PCDHA8: variants seen among roughly 807,000 people sequenced by gnomAD.
PCDHA8 encodes protocadherin alpha-8.
In PCDHA8, 53 loss-of-function variants were observed where a neutral mutation model predicts 61.8. That is an observed-to-expected ratio of 0.86 (90% CI 0.69 to 1.08). The LOEUF is 1.08. Ranked by LOEUF, PCDHA8 falls within the 50% of genes least tolerant of loss-of-function variation. The probability of loss-of-function intolerance (pLI) is 0.00; values close to 1 mark genes in which losing one functional copy is unlikely to be tolerated. For synonymous variants in PCDHA8, 618 were observed against 556.6 expected (o/e 1.11, Z -1.55); for missense variants, 1,293 against 1,245.0 (o/e 1.04, Z -0.58).
intron 1 of PCDHA8, chr5:140,857,757 G>C (rs782736508): frequency 6.3e-7 from 1 of 1,597,402 alleles, no homozygotes; most frequent in Non-Finnish European, 8.6e-7. Flanking sequence ...TCTCCCGCTG[G>C]CAGCGCGGGC....
chr5:140,972,766 T>G (rs2096555102), intron 1 of PCDHA8, among the ~76,000 whole-genome samples: 1 of 149,250 alleles, frequency 6.7e-6, no homozygotes, highest in African/African-American at 2.5e-5. Flanking sequence ...CAAGTTAAAG[T>G]GATTCTTCTG....
intron 1 of PCDHA8, among the ~76,000 whole-genome samples, chr5:140,917,740 C>T (rs1257665291): frequency 6.6e-6 from 1 of 152,090 alleles, no homozygotes; most frequent in Non-Finnish European, 1.5e-5. Context: ...TCTAACCTGT[C>T]CCATTGGTCT....
At chr5:140,872,425 G>A (rs1280008446) in intron 1 of PCDHA8, among the ~76,000 whole-genome samples, 3 of 151,980 alleles carry the variant, frequency 2.0e-5, no homozygotes, top group African/African-American at 7.3e-5. Flanking sequence ...CCAAGAGTTC[G>A]AGGCCTGCCT....
chr5:140,901,839 A>T (rs578262204), intron 1 of PCDHA8, among the ~76,000 whole-genome samples: 1 of 152,108 alleles, frequency 6.6e-6, no homozygotes, highest in Non-Finnish European at 1.5e-5. Flanking sequence ...TAAACATGCA[A>T]TATCTTTCCA....
intron 1 of PCDHA8, chr5:140,884,167 G>A: frequency 4.3e-6 from 7 of 1,613,412 alleles, no homozygotes; most frequent in Non-Finnish European, 5.1e-6. Context: ...AGATCAGCAC[G>A]ACGCGCCCTC....
In PCDHA8 at chr5:141,010,640, G is replaced by A. The variant is rs2098417874; in HGVS notation, c.*703G>A. The A allele has an allele frequency of 5.6e-6, 1 of 179,322 alleles. No homozygotes were observed. Among genetic ancestry groups the A allele is most frequent in the South Asian group, 1.4e-4 (1 of 7,048 alleles). 11.1% of individuals were successfully genotyped at this position (179,322 alleles called of 1,614,324 possible). A position where few individuals can be genotyped will look rare whatever the true frequency, so the allele number is the denominator to read the frequency against. On this transcript the variant is annotated 3_prime_UTR_variant, in exon 4 of 4. Transcript: ENST00000531613. ...TCTGCATCATACCTGCAAGCCAACA[G>A]TTCAGTGTTTTAACAGAGAACCACC...
intron 1 of PCDHA8, among the ~76,000 whole-genome samples, chr5:140,922,508 C>A (rs2080871857): frequency 6.6e-6 from 1 of 152,090 alleles, no homozygotes; most frequent in African/African-American, 2.4e-5. Flanking sequence ...GCAGATGCAC[C>A]ATTATTTCAA....
At position 140,841,450 on chromosome 5, in the gene PCDHA8, C is replaced by G; in HGVS notation, c.129C>G (p.Thr43=). The G allele has an allele frequency of 6.2e-7, 1 of 1,612,936 alleles. No homozygotes were observed. Among genetic ancestry groups the G allele is most frequent in the Non-Finnish European group, 8.5e-7 (1 of 1,179,876 alleles). ...TCCCCGAGGAGGCCAAACACGGCAC[C>G]TTCGTGGGCCGGATCGCGCAGGACC... The part of the protein sequence containing the change: ...YSVPEEAKHG[T]FVGRIAQDLG... Residue 43 remains threonine (T), a synonymous_variant, in exon 1 of 4, where the codon ACC becomes ACG. Coordinates refer to ENST00000531613, the MANE Select transcript of PCDHA8 (RefSeq NM_018911.3).
intron 1 of PCDHA8, among the ~76,000 whole-genome samples, chr5:140,909,670 G>C (rs940080549): frequency 6.6e-6 from 1 of 152,142 alleles, no homozygotes; most frequent in African/African-American, 2.4e-5. Flanking sequence ...CACTCTACCA[G>C]TCAGGGAGCC....
intron 3 of PCDHA8, among the ~76,000 whole-genome samples, chr5:141,001,813 G>A (rs782384459): frequency 2.6e-5 from 4 of 152,172 alleles, no homozygotes; most frequent in Non-Finnish European, 4.4e-5. Flanking sequence ...TCTACAATCG[G>A]CCAAATTCTG....
At chr5:140,869,718 T>A (rs1228223839) in intron 1 of PCDHA8, 19 of 1,613,290 alleles carry the variant, frequency 1.2e-5, no homozygotes, top group Non-Finnish European at 1.2e-5. Flanking sequence ...GAGAGAAAAC[T>A]CCGGAACTTA....
In PCDHA8 at chr5:140,843,348, C is replaced by T; in HGVS notation, c.2027C>T (p.Pro676Leu). The T allele has an allele frequency of 1.9e-6, 3 of 1,596,106 alleles. No homozygotes were observed. The South Asian group carries it at 3.3e-5, about 18-fold the overall frequency. Residue 676 changes from proline (P) to leucine (L), a missense_variant, in exon 1 of 4, where the codon CCA (proline) becomes CTA (leucine). Pro to Leu is a moderately conservative substitution (Grantham distance 98). Transcript: ENST00000531613. Reference protein sequence around the residue: ...LVSLVESGQAPKASSRQSAGV... With the variant: ...LVSLVESGQALKASSRQSAGV... ...TCGCTGGTGGAGAGCGGCCAGGCTC[C>T]AAAAGCGTCATCGAGGCAGTCGGCT...
chr5:140,879,468 C>T (rs1302590030), intron 1 of PCDHA8, among the ~76,000 whole-genome samples: 2 of 152,006 alleles, frequency 1.3e-5, no homozygotes, highest in African/African-American at 4.8e-5. Context: ...AAGAGAATAC[C>T]GTTGTGATTG....
At chr5:140,876,686 A>G (rs1554168790) in intron 1 of PCDHA8, 1 of 1,613,822 alleles carries the variant, frequency 6.2e-7, no homozygotes, top group Admixed American at 1.7e-5. Context: ...AAGAATTACT[A>G]CTCGTTGGTG....
intron 1 of PCDHA8, chr5:140,849,515 T>C: frequency 6.3e-7 from 1 of 1,596,992 alleles, no homozygotes; most frequent in Non-Finnish European, 8.6e-7. Context: ...TTGTGGAAGT[T>C]GTGGATGTAA....
chr5:140,905,809 A>C (rs1349964349), intron 1 of PCDHA8, among the ~76,000 whole-genome samples: 1 of 152,184 alleles, frequency 6.6e-6, no homozygotes, highest in East Asian at 1.9e-4. Context: ...GGACAGAATT[A>C]ATAGGCTAGA....
intron 1 of PCDHA8, chr5:140,967,077 G>A (rs1483899506): frequency 1.9e-6 from 3 of 1,613,140 alleles, no homozygotes; most frequent in South Asian, 1.1e-5. Context: ...GTCAACGAGC[G>A]CATTGATCGG....
At chr5:140,891,504 A>G (rs1225432214) in intron 1 of PCDHA8, among the ~76,000 whole-genome samples, 1 of 151,662 alleles carries the variant, frequency 6.6e-6, no homozygotes, top group Non-Finnish European at 1.5e-5. Context: ...CTCAGCTATA[A>G]TGTTCTCCAA....
At position 140,856,290 on chromosome 5, in the gene PCDHA8, G is replaced by A. The variant is rs143002904; in HGVS notation, c.2394+12575G>A. 7.5e-3 allele frequency: 12,003 copies of A among 1,598,482 alleles called. 1,113 individuals are homozygous for A. The highest frequency in any genetic ancestry group is 7.4e-3 in the Non-Finnish European group (8,655 of 1,168,072). On this transcript the variant is annotated intron_variant, in intron 1 of 3. Coordinates refer to ENST00000531613, the MANE Select transcript of PCDHA8 (RefSeq NM_018911.3). ...CTTCTGGAGGTAAATCTGCAGAATG[G>A]CATTTTGTTTGTGAATTCTCGGATT...
Sources: gnomAD v4.1 joint callset for allele counts (sites outside exome capture counted in the v4.1 genomes callset) on GRCh38, gnomAD v4.1.1 for gene constraint, MANE v1.5 for transcripts, NCBI Gene and HGNC (gene_info 2026-07-23, HGNC 2026-07-21) for gene names.